TERT: variants seen among roughly 807,000 people sequenced by gnomAD.
TERT encodes telomerase reverse transcriptase.
In TERT, 42 loss-of-function variants were observed where a neutral mutation model predicts 104.0. The observed-to-expected ratio is 0.40, with a 90% confidence interval of 0.32 to 0.52. The LOEUF (loss-of-function observed/expected upper bound fraction) is 0.52. Among genes scored for constraint, TERT ranks in the 20% least tolerant of loss-of-function variants. The pLI, the probability that TERT is intolerant of heterozygous loss-of-function variation, is 0.43. For synonymous variants in TERT, 781 were observed against 725.6 expected (o/e 1.08, Z -1.23); for missense variants, 1,101 against 1,610.3 (o/e 0.68, Z 5.41).
At chr5:1,271,093 C>G (rs753693445) in intron 8 of TERT, 26 bp downstream of exon 8, 1 of 1,600,918 alleles carries the variant, frequency 6.2e-7, no homozygotes, top group South Asian at 1.1e-5. Flanking sequence ...ACCCGCAGGG[C>G]AATGGCACCT....
intron 9 of TERT, among the ~76,000 whole-genome samples, chr5:1,267,956 A>C (rs1748734886): frequency 6.6e-6 from 1 of 152,172 alleles, no homozygotes; most frequent in African/African-American, 2.4e-5. Flanking sequence ...CACGTCGTGC[A>C]CATGTACCCT....
chr5:1,268,434 T>G lies in TERT; in HGVS notation c.2582+86A>C. The G allele has an allele frequency of 9.4e-7, 1 of 1,065,332 alleles. No homozygotes were observed. The highest frequency in any genetic ancestry group is 1.4e-6 in the Non-Finnish European group (1 of 706,346). 66.0% of individuals were successfully genotyped at this position (1,065,332 alleles called of 1,614,324 possible). A position where few individuals can be genotyped will look rare whatever the true frequency, so the allele number is the denominator to read the frequency against. ...TCCTCAAGACAGAGCAGTCATGGTCTCCAGAGCACCAGGAATATTAACACT... is the reference window on the plus strand; with the variant it reads ...TCCTCAAGACAGAGCAGTCATGGTCGCCAGAGCACCAGGAATATTAACACT... On this transcript the variant is annotated intron_variant, in intron 9 of 15. Coordinates refer to ENST00000310581, the MANE Select transcript of TERT (RefSeq NM_198253.3). This position sits in a 1 kb window ranked among gnomAD's most constrained non-coding sequence, Gnocchi z 5.5.
At chr5:1,289,454 C>G (rs1242372631) in intron 2 of TERT, among the ~76,000 whole-genome samples, 6 of 66,716 alleles carry the variant, frequency 9.0e-5, no homozygotes, top group Admixed American at 1.5e-4. Context: ...ACAGGGACAC[C>G]CGGGGACGGC....
chr5:1,267,047 G>A (rs937910457), intron 9 of TERT, among the ~76,000 whole-genome samples: 2 of 152,218 alleles, frequency 1.3e-5, no homozygotes, highest in African/African-American at 4.8e-5. Flanking sequence ...CCAGAGGGCT[G>A]ACCAGTGTGC....
At position 1,286,949 on chromosome 5, in the gene TERT, C is replaced by T. The variant is rs1750532012; in HGVS notation, c.1574-4325G>A. On this transcript the variant is annotated intron_variant, in intron 2 of 15. Coordinates refer to ENST00000310581, the MANE Select transcript of TERT (RefSeq NM_198253.3). The surrounding 1 kb of genome is among the most constrained non-coding windows in gnomAD (Gnocchi z 5.3). Reference sequence around the variant, plus strand: ...AAGCAAAGAGAAATAAAAGCAAATGCCCAGTGACCAGGAGGCAACGAGAGG... The same window carrying T: ...AAGCAAAGAGAAATAAAAGCAAATGTCCAGTGACCAGGAGGCAACGAGAGG... 6.6e-6 allele frequency among the ~76,000 whole-genome samples: 1 copy of T among 151,968 alleles called. No homozygotes were observed. Among genetic ancestry groups the T allele is most frequent in the East Asian group, 1.9e-4 (1 of 5,180 alleles).
intron 2 of TERT, among the ~76,000 whole-genome samples, chr5:1,290,406 C>T (rs1579591666): frequency 1.6e-5 from 1 of 61,994 alleles, no homozygotes; most frequent in Non-Finnish European, 2.9e-5. Flanking sequence ...TCACCCTGCA[C>T]GTGACAGGGA....
chr5:1,282,433 T>C lies in TERT; in HGVS notation c.1765A>G (p.Ile589Val), dbSNP rs1561205289. ...CCTGGCGTGGGGATACAGTACCTGA[T>C]TCCAATGCTTTGCAACTTGCTCCAG... ...SVWSKLQSIGIRQHLKRVQLR... is the reference protein window; with the variant it reads ...SVWSKLQSIGVRQHLKRVQLR... Residue 589 changes from isoleucine (I) to valine (V), a missense_variant, in exon 3 of 16, where the codon ATC becomes GTC. Ile to Val is a conservative substitution (Grantham distance 29). Around this residue, in one of 5 missense-constraint regions of TERT, gnomAD observed 463 missense variants for 797.5 expected, o/e 0.58. Transcript: ENST00000310581. 1 of 1,613,772 alleles carries C rather than the reference T, an allele frequency of 6.2e-7. No individual in the cohort carries two copies. The highest frequency in any genetic ancestry group is 1.3e-5 in the African/African-American group (1 of 74,972).
chr5:1,270,191 C>T lies in TERT; in HGVS notation c.2468+928G>A, dbSNP rs1032645798. Among the ~76,000 whole-genome samples the T allele has an allele frequency of 2.0e-5, 3 of 152,182 alleles. No homozygotes were observed. The highest frequency in any genetic ancestry group is 4.4e-5 in the Non-Finnish European group (3 of 68,042). On this transcript the variant is annotated intron_variant, in intron 8 of 15. Coordinates refer to ENST00000310581, the MANE Select transcript of TERT (RefSeq NM_198253.3). This position sits in a 1 kb window ranked among gnomAD's most constrained non-coding sequence, Gnocchi z 8.3. ...AGAACGTGTGTACTACTTAATATTT[C>T]TAATTATACTTTAATAAATATTATA...
intron 4 of TERT, among the ~76,000 whole-genome samples, chr5:1,279,849 G>C (rs10054203): frequency 0.46 from 70,178 of 152,058 alleles, 16,759 homozygotes; most frequent in African/African-American, 0.61. Context: ...GCGCACGGAG[G>C]CTGCGCACCA....
In TERT at chr5:1,270,209, ATAT is replaced by A. The variant is rs535946730; in HGVS notation, c.2468+907_2468+909del. Among the ~76,000 whole-genome samples the A allele has an allele frequency of 1.3e-5, 2 of 152,358 alleles. No homozygotes were observed. Among genetic ancestry groups the A allele is most frequent in the South Asian group, 2.1e-4 (1 of 4,828 alleles). On this transcript the variant is annotated intron_variant, in intron 8 of 15. Coordinates refer to ENST00000310581, the MANE Select transcript of TERT (RefSeq NM_198253.3). This position sits in a 1 kb window ranked among gnomAD's most constrained non-coding sequence, Gnocchi z 8.3. ...AATATTTCTAATTATACTTTAATAA[ATAT>A]TATAATTGCTGATACCATTAGTGAT...
chr5:1,264,620 AG>A, intron 10 of TERT, 28 bp from the exon 11 acceptor site: 6 of 1,612,670 alleles, frequency 3.7e-6, no homozygotes, highest in Non-Finnish European at 5.1e-6. Flanking sequence ...TGTCAGCCCC[AG>A]GATGCGGGGC....
chr5:1,291,635 AC>A (rs1750982307), intron 2 of TERT, among the ~76,000 whole-genome samples: 1 of 148,668 alleles, frequency 6.7e-6, no homozygotes, highest in Non-Finnish European at 1.5e-5. Context: ...GGACAGGGAC[AC>A]CCGGGGGCCA....
At position 1,253,910 on chromosome 5, in the gene TERT, C is replaced by G. The variant is rs1049780960; in HGVS notation, c.3296-79G>C. 3 of 1,475,752 alleles carry G rather than the reference C, an allele frequency of 2.0e-6. No homozygotes were observed. The African/African-American group carries it at 4.2e-5, about 20-fold the overall frequency. 91.4% of individuals were successfully genotyped at this position (1,475,752 alleles called of 1,614,324 possible). Reference sequence around the variant, plus strand: ...CAACCCTCCTAGGACGTGTGGGTGGCCGGGCAGGCAGGGCCTGCACCTCGT... The same window carrying G: ...CAACCCTCCTAGGACGTGTGGGTGGGCGGGCAGGCAGGGCCTGCACCTCGT... On this transcript the variant is annotated intron_variant, in intron 15 of 15. Transcript: ENST00000310581.
At chr5:1,266,923 C>T (rs572114808) in intron 9 of TERT, among the ~76,000 whole-genome samples, 2 of 152,176 alleles carry the variant, frequency 1.3e-5, no homozygotes, top group African/African-American at 4.8e-5. Context: ...CAGCTGTGGT[C>T]CTCAGCATGA....
intron 6 of TERT, among the ~76,000 whole-genome samples, chr5:1,278,354 G>A (rs533283029): frequency 1.3e-5 from 2 of 152,080 alleles, no homozygotes; most frequent in Admixed American, 1.3e-4. Context: ...GCACATCACA[G>A]ACATGCAGCA....
At position 1,253,491 on chromosome 5, in the gene TERT, G is replaced by A. The variant is rs567092780; in HGVS notation, c.*237C>T. ...GTGGAGCCGAGCGCCAGCCTGTGGG[G>A]AAGTGAAGACGGCAGGTGTGCTGGA... On this transcript the variant is annotated 3_prime_UTR_variant, in exon 16 of 16. Coordinates refer to ENST00000310581, the MANE Select transcript of TERT (RefSeq NM_198253.3). 87 of 592,402 alleles carry A rather than the reference G, an allele frequency of 1.5e-4. No homozygotes were observed. The highest frequency in any genetic ancestry group is 9.0e-4 in the Middle Eastern group (2 of 2,210). The allele number at this position is 592,402 out of a possible 1,614,324, so 36.7% of individuals were successfully genotyped here. A position where few individuals can be genotyped will look rare whatever the true frequency, so the allele number is the denominator to read the frequency against.
rs796547254 is a variant in TERT, at chr5:1,273,103, C to T, written c.2287-823G>A. ...GTCACCACACATCAGACCCCACAAC[C>T]GCCATCCACAGTCACCACACATCAG... On this transcript the variant is annotated intron_variant, in intron 6 of 15. Transcript: ENST00000310581. Among the ~76,000 whole-genome samples the T allele has an allele frequency of 1.6e-4, 13 of 80,754 alleles. No individual in the cohort carries two copies. In the East Asian group the frequency reaches 2.3e-3, roughly 14 times the overall value. The allele number at this position is 80,754 out of a possible 152,430, so 53.0% of individuals were successfully genotyped here.
rs1750535894 is a variant in TERT at position 1,287,023 on chromosome 5, G to A, written c.1574-4399C>T. Among the ~76,000 whole-genome samples the A allele has an allele frequency of 6.6e-6, 1 of 152,216 alleles. No individual in the cohort carries two copies. The highest frequency in any genetic ancestry group is 6.5e-5 in the Admixed American group (1 of 15,272). On this transcript the variant is annotated intron_variant, in intron 2 of 15. Coordinates refer to ENST00000310581, the MANE Select transcript of TERT (RefSeq NM_198253.3). This position sits in a 1 kb window ranked among gnomAD's most constrained non-coding sequence, Gnocchi z 4.3. The stretch of plus-strand genomic sequence containing the variant: ...CGCACATGGCAACCCAAGAGGTGGT[G>A]AGAAACAAGGGAACGAGGACATGCA...
At position 1,293,473 on chromosome 5, in the gene TERT, C is replaced by A; in HGVS notation, c.1413G>T (p.Arg471=). ...VYGFVRACLR[R]LVPPGLWGSR... ...AGCCCCAGAGGCCTGGGGGCACCAG[C>A]CGGCGCAGGCAGGCCCGCACGAAGC... Residue 471 remains arginine, a synonymous_variant, in exon 2 of 16, where the codon CGG becomes CGT. Transcript: ENST00000310581. 1 of 1,605,436 alleles carries A rather than the reference C, an allele frequency of 6.2e-7. No homozygotes were observed. Among genetic ancestry groups the A allele is most frequent in the Non-Finnish European group, 8.5e-7 (1 of 1,176,718 alleles).
Sources: gnomAD v4.1 joint callset for allele counts (sites outside exome capture counted in the v4.1 genomes callset) on GRCh38, gnomAD v4.1.1 for gene constraint, gnomAD v4.1.1 regional missense constraint, Gnocchi (gnomAD v3.1) non-coding constraint, MANE v1.5 for transcripts, NCBI Gene and HGNC (gene_info 2026-07-23, HGNC 2026-07-21) for gene names.